Variants in ST7L observed in about 807,000 individuals in gnomAD.
The protein encoded by ST7L is suppressor of tumorigenicity 7 protein-like.
Under a neutral mutation model 72.5 loss-of-function variants are expected in ST7L, and 57 were observed. The observed-to-expected ratio is 0.79, with a 90% CI of 0.64 to 0.98. The LOEUF is 0.98. ST7L is among the 50% of genes least tolerant of loss of function. The probability of loss-of-function intolerance (pLI) is 0.00; values close to 1 mark genes in which losing one functional copy is unlikely to be tolerated. For synonymous variants in ST7L, 221 were observed against 240.9 expected (o/e 0.92, Z 0.77); for missense variants, 576 against 672.2 (o/e 0.86, Z 1.58).
intron 11 of ST7L, among the ~76,000 whole-genome samples, chr1:112,568,861 A>AATATAAATAAATATATATATAT (rs61349207): frequency 4.3e-4 from 49 of 114,888 alleles, no homozygotes; most frequent in East Asian, 1.6e-3. Context: ...TATAAATATA[A>AATATAAATAAATATATATATAT]ATATATATAT....
chr1:112,557,389 C>T, intron 11 of ST7L, among the ~76,000 whole-genome samples: 1 of 152,120 alleles, frequency 6.6e-6, no homozygotes, highest in Non-Finnish European at 1.5e-5. Flanking sequence ...TCAAGGTTCA[C>T]CCAGTTTGTA....
chr1:112,617,893 G>A, intron 1 of ST7L: 1 of 834,380 alleles, frequency 1.2e-6, no homozygotes, highest in East Asian at 6.3e-5. Flanking sequence ...TCATTCACCT[G>A]TTACAGAGAT....
chr1:112,582,505 T>C, intron 7 of ST7L, 33 bp from the exon 8 acceptor site: 1 of 1,341,710 alleles, frequency 7.5e-7, no homozygotes, highest in Admixed American at 1.8e-5. Context: ...GATACAACTA[T>C]CACTTTTGTA....
At chr1:112,578,900 T>A (rs1663595838) in intron 9 of ST7L, among the ~76,000 whole-genome samples, 1 of 152,202 alleles carries the variant, frequency 6.6e-6, no homozygotes, top group Non-Finnish European at 1.5e-5. Context: ...GAAAAACCCG[T>A]ATATGAAGTT....
rs1319692380 is a variant in ST7L at position 112,595,998 on chromosome 1, G to A, written c.622+1973C>T. ...ATTGCTATTTTAAAAGCCTGCTGAC[G>A]TTTGCAATTCAGTGTCACTCTGTGA... On this transcript the variant is annotated intron_variant, in intron 5 of 14. Transcript: ENST00000358039. 3.3e-5 allele frequency among the ~76,000 whole-genome samples: 5 copies of A among 152,184 alleles called. No homozygotes were observed. In the South Asian group the frequency reaches 6.2e-4, roughly 19 times the overall value.
At chr1:112,550,845 A>C (rs1658000235) in intron 12 of ST7L, 152 bp from the exon 13 acceptor site, 1 of 603,184 alleles carries the variant, frequency 1.7e-6, no homozygotes, top group African/African-American at 1.9e-5. Flanking sequence ...ATAATAAATA[A>C]GGGGAAGGAT....
intron 3 of ST7L, among the ~76,000 whole-genome samples, chr1:112,605,088 C>CAAA (rs35373735): frequency 1.4e-3 from 83 of 61,272 alleles, no homozygotes; most frequent in African/African-American, 4.2e-3. Context: ...ACTCCGGCTC[C>CAAA]AAAAAAAAAA....
intron 3 of ST7L, among the ~76,000 whole-genome samples, chr1:112,609,269 C>G: frequency 6.6e-6 from 1 of 152,146 alleles, no homozygotes; most frequent in Non-Finnish European, 1.5e-5. Flanking sequence ...CAGTGGCTCA[C>G]GCCTGTAATC....
chr1:112,556,740 G>A (rs1167212172), intron 11 of ST7L, among the ~76,000 whole-genome samples: 1 of 151,854 alleles, frequency 6.6e-6, no homozygotes, highest in African/African-American at 2.4e-5. Flanking sequence ...CACTTTGAGA[G>A]GCCAAAATCG....
chr1:112,552,038 T>C (rs1272310111), intron 12 of ST7L, among the ~76,000 whole-genome samples: 1 of 152,190 alleles, frequency 6.6e-6, no homozygotes, highest in East Asian at 1.9e-4. Context: ...CCAGAGCCTA[T>C]CCTGGCAGCC....
chr1:112,520,746 GA>G, downstream of ST7L: 1 of 583,632 alleles, frequency 1.7e-6, no homozygotes, highest in African/African-American at 1.9e-5. Flanking sequence ...CTGGAGATTT[GA>G]AGGGAGAGTA....
chr1:112,588,623 T>C lies in ST7L; in HGVS notation c.701+2902A>G, dbSNP rs1009840423. Among the ~76,000 whole-genome samples, 12 of 152,242 alleles carry C rather than the reference T, an allele frequency of 7.9e-5. No homozygotes were observed. In the South Asian group the frequency reaches 8.3e-4, roughly 10 times the overall value. On this transcript the variant is annotated intron_variant, in intron 6 of 14. Coordinates refer to ENST00000358039, the MANE Select transcript of ST7L (RefSeq NM_017744.5). ...TATCATGATGGGGAACTCTGTCAAA[T>C]GTTTTTTCTACATCAGTTGAGATAA...
At chr1:112,612,516 A>G (rs1425648110) in intron 2 of ST7L, among the ~76,000 whole-genome samples, 1 of 152,194 alleles carries the variant, frequency 6.6e-6, no homozygotes, top group Non-Finnish European at 1.5e-5. Context: ...ATAACAGAAC[A>G]AATATGCTAC....
At chr1:112,550,799 GT>G in intron 12 of ST7L, 106 bp from the exon 13 acceptor site, 1 of 825,262 alleles carries the variant, frequency 1.2e-6, no homozygotes, top group Non-Finnish European at 1.9e-6. Flanking sequence ...TCTTTTTTTA[GT>G]GAGACATTTA....
chr1:112,606,031 C>A (rs1668186574), intron 3 of ST7L, among the ~76,000 whole-genome samples: 1 of 152,228 alleles, frequency 6.6e-6, no homozygotes, highest in Non-Finnish European at 1.5e-5. Context: ...TTCTGTCCCA[C>A]CTTCCCTGTC....
intron 6 of ST7L, among the ~76,000 whole-genome samples, chr1:112,584,458 T>G (rs1421545235): frequency 6.6e-6 from 1 of 152,068 alleles, no homozygotes; most frequent in Non-Finnish European, 1.5e-5. Flanking sequence ...TTATAAAGAA[T>G]TATCTGAATT....
At chr1:112,578,578 G>A (rs748284159) in intron 9 of ST7L, among the ~76,000 whole-genome samples, 161 bp from the exon 10 acceptor site, 18 of 151,428 alleles carry the variant, frequency 1.2e-4, no homozygotes, top group Non-Finnish European at 2.4e-4. Flanking sequence ...GTTCAAGACC[G>A]GCCTGACCAA....
At chr1:112,605,241 A>G (rs1220518831) in intron 3 of ST7L, among the ~76,000 whole-genome samples, 2 of 151,268 alleles carry the variant, frequency 1.3e-5, no homozygotes, top group Admixed American at 1.3e-4. Context: ...AACTACAAAA[A>G]AATTAGCTGG....
rs1388085747 is a variant in ST7L, at chr1:112,600,861, G to A, written c.452-13C>T. ...CATACCTTACATTCTGAAAAACAAG[G>A]GAGAAAAAGGGGGAAAAAGAGACAC... On this transcript the variant is annotated splice_polypyrimidine_tract_variant and intron_variant, in intron 3 of 14. Transcript: ENST00000358039. 6.2e-7 allele frequency: 1 copy of A among 1,602,582 alleles called. No homozygotes were observed. The highest frequency in any genetic ancestry group is 1.7e-5 in the Admixed American group (1 of 58,618).
Sources: allele counts gnomAD v4.1 joint callset (sites outside exome capture counted in the v4.1 genomes callset), GRCh38; gene constraint gnomAD v4.1.1; transcripts MANE v1.5; gene names NCBI Gene and HGNC (gene_info 2026-07-23, HGNC 2026-07-21).